Variants in NBEAL1 observed in about 807,000 individuals in gnomAD.
NBEAL1 encodes the protein neurobeachin-like protein 1.
Under a neutral mutation model 351.3 loss-of-function variants are expected in NBEAL1, and 273 were observed. That is an observed-to-expected ratio of 0.78 (90% CI 0.70 to 0.86). The LOEUF is 0.86. Ranked by LOEUF, NBEAL1 falls within the 40% of genes least tolerant of loss-of-function variation. NBEAL1 has a pLI of 0.00. For synonymous variants in NBEAL1, 1,050 were observed against 1,086.4 expected (o/e 0.97, Z 0.66); for missense variants, 2,961 against 3,201.3 (o/e 0.92, Z 1.81).
At chr2:203,186,645 A>T (rs1366877361) in intron 44 of NBEAL1, among the ~76,000 whole-genome samples, 1 of 152,162 alleles carries the variant, frequency 6.6e-6, no homozygotes, top group East Asian at 1.9e-4. Flanking sequence ...AATAAATAAT[A>T]AAACTTTGTT....
intron 2 of NBEAL1, among the ~76,000 whole-genome samples, 187 bp downstream of exon 2, chr2:203,016,622 G>A (rs534534852): frequency 6.5e-4 from 99 of 152,074 alleles, no homozygotes; most frequent in Non-Finnish European, 1.3e-3. Context: ...TACAATATTG[G>A]CATACTGTTA....
chr2:203,144,620 T>C lies in NBEAL1; in HGVS notation c.4869T>C (p.Ala1623=), dbSNP rs2063462385. The C allele has an allele frequency of 6.2e-7, 1 of 1,613,062 alleles. No homozygotes were observed. Among genetic ancestry groups the C allele is most frequent in the South Asian group, 1.1e-5 (1 of 90,900 alleles). The change falls in exon 32 of 56, where the codon GCT becomes GCC. Residue 1623 remains alanine (A), a synonymous_variant. Transcript: ENST00000683969. The stretch of plus-strand genomic sequence containing the variant: ...TCCAGGTTTGTGCAATGGCATCAGC[T>C]AAGCTAAATACCCTTCTTCAGACCA... The part of the protein sequence containing the change: ...GNLQVCAMAS[A]KLNTLLQTKV...
chr2:203,155,013 A>G (rs1280639705), intron 35 of NBEAL1, among the ~76,000 whole-genome samples: 1 of 151,454 alleles, frequency 6.6e-6, no homozygotes, highest in African/African-American at 2.4e-5. Flanking sequence ...TGGGAGTCCA[A>G]GGAGAAGAGT....
At chr2:203,147,295 A>G (rs1006502682) in intron 33 of NBEAL1, among the ~76,000 whole-genome samples, 2 of 152,202 alleles carry the variant, frequency 1.3e-5, no homozygotes, top group African/African-American at 4.8e-5. Context: ...AATTACTACA[A>G]ATAAGCAAGG....
At chr2:203,088,645 T>A (rs2062010983) in intron 10 of NBEAL1, among the ~76,000 whole-genome samples, 1 of 152,224 alleles carries the variant, frequency 6.6e-6, no homozygotes, top group Admixed American at 6.5e-5. Flanking sequence ...CACATAAAAG[T>A]TCCAGAGTGA....
At chr2:203,189,131 G>A (rs1322006875) in intron 45 of NBEAL1, among the ~76,000 whole-genome samples, 2 of 152,202 alleles carry the variant, frequency 1.3e-5, no homozygotes, top group Non-Finnish European at 2.9e-5. Context: ...TTTGTAAGGA[G>A]AAAGTATTGC....
At chr2:203,032,947 G>A (rs2106021708) in intron 2 of NBEAL1, among the ~76,000 whole-genome samples, 1 of 151,708 alleles carries the variant, frequency 6.6e-6, no homozygotes, top group East Asian at 2.0e-4. Flanking sequence ...TTACAGGCAT[G>A]ATCCACCATG....
chr2:203,172,542 T>C (rs760752357), intron 40 of NBEAL1, among the ~76,000 whole-genome samples, 187 bp from the exon 41 acceptor site: 3 of 152,032 alleles, frequency 2.0e-5, no homozygotes, highest in Non-Finnish European at 2.9e-5. Flanking sequence ...AAAGAAAAGA[T>C]TCCAGTGGAA....
intron 18 of NBEAL1, among the ~76,000 whole-genome samples, chr2:203,117,057 G>A (rs1487536358): frequency 5.3e-5 from 8 of 152,202 alleles, no homozygotes; most frequent in African/African-American, 1.9e-4. Context: ...AGCTGAGATC[G>A]TGCCACTGCT....
At chr2:203,030,611 C>T (rs1386202145) in intron 2 of NBEAL1, among the ~76,000 whole-genome samples, 1 of 152,202 alleles carries the variant, frequency 6.6e-6, no homozygotes, top group Non-Finnish European at 1.5e-5. Flanking sequence ...TAAGCAAACA[C>T]ACTTAACTCT....
rs2064674329 is a variant in NBEAL1 at position 203,180,447 on chromosome 2, C to T, written c.6530C>T (p.Pro2177Leu). 1.2e-6 allele frequency: 2 copies of T among 1,611,816 alleles called. No homozygotes were observed. The highest frequency in any genetic ancestry group is 1.7e-6 in the Non-Finnish European group (2 of 1,178,726). Residue 2177 changes from proline (P) to leucine (L), a missense_variant, in exon 43 of 56, where the codon CCA (proline) becomes CTA (leucine). Pro to Leu is a moderately conservative substitution (Grantham distance 98). Coordinates refer to ENST00000683969, the MANE Select transcript of NBEAL1 (RefSeq NM_001378026.1). ...ACCTGGCAAGCTCTTATGGATAATC[C>T]ATATGATGTTAAAGAACTTATTCCT... ...PATWQALMDNPYDVKELIPEF... is the reference protein window; with the variant it reads ...PATWQALMDNLYDVKELIPEF...
In NBEAL1 at chr2:203,217,763, A is replaced by C. The variant is rs2065912548; in HGVS notation, c.*409A>C. 1.0e-6 allele frequency: 1 copy of C among 976,484 alleles called. No individual in the cohort carries two copies. The highest frequency in any genetic ancestry group is 6.2e-5 in the Admixed American group (1 of 16,258). The allele number at this position is 976,484 out of a possible 1,614,324, so 60.5% of individuals were successfully genotyped here. ...TTACTGACCACTGTAATGAAAATAT[A>C]TCAATTTATTTATGGAACTCCTGAT... is the stretch of plus-strand genomic sequence containing the variant. On this transcript the variant is annotated 3_prime_UTR_variant, in exon 56 of 56. Transcript: ENST00000683969.
Position 203,083,638 on chromosome 2 carries a change from A to G in NBEAL1, c.991+113A>G, listed in dbSNP as rs2061910808. ...GGAAAGTATTGATTGTTTAATTCAGATATCATATGACTGCTTAGACTTTGA... is the reference window on the plus strand; with the variant it reads ...GGAAAGTATTGATTGTTTAATTCAGGTATCATATGACTGCTTAGACTTTGA... On this transcript the variant is annotated intron_variant, in intron 9 of 55. Transcript: ENST00000683969. 5.0e-6 allele frequency: 4 copies of G among 806,442 alleles called. No individual in the cohort carries two copies. In the South Asian group the frequency reaches 8.2e-5, roughly 17 times the overall value. 50.0% of individuals were successfully genotyped at this position (806,442 alleles called of 1,614,324 possible).
At chr2:203,074,435 C>T (rs1370522005) in intron 7 of NBEAL1, among the ~76,000 whole-genome samples, 1 of 146,702 alleles carries the variant, frequency 6.8e-6, no homozygotes, top group African/African-American at 2.5e-5. Context: ...TCAAGCGATT[C>T]TAATGTCTCA....
rs989333329 is a variant in NBEAL1 at position 203,214,512 on chromosome 2, C to T, written c.8070+859C>T. Among the ~76,000 whole-genome samples the T allele has an allele frequency of 1.1e-4, 16 of 152,190 alleles. No individual in the cohort carries two copies. In the South Asian group the frequency reaches 3.3e-3, roughly 32 times the overall value. ...TATTATGGCTGGGCATGGTGGCTCA[C>T]GCCTGTAATCCCTGCACTTTGGGGG... On this transcript the variant is annotated intron_variant, in intron 55 of 55. Coordinates refer to ENST00000683969, the MANE Select transcript of NBEAL1 (RefSeq NM_001378026.1).
At chr2:203,086,883 A>G (rs559028642) in intron 10 of NBEAL1, among the ~76,000 whole-genome samples, 1 of 151,746 alleles carries the variant, frequency 6.6e-6, no homozygotes, top group African/African-American at 2.4e-5. Flanking sequence ...TTATCGACCC[A>G]GTTTCTCAAA....
At chr2:203,033,223 A>G (rs140168762) in intron 2 of NBEAL1, among the ~76,000 whole-genome samples, 14,010 of 151,484 alleles carry the variant, frequency 0.092, 766 homozygotes, top group Non-Finnish European at 0.12. Flanking sequence ...GATGGTCTCG[A>G]TCTCCTGACC....
Position 203,201,703 on chromosome 2 carries a change from A to G in NBEAL1, c.7399A>G (p.Ile2467Val). The G allele has an allele frequency of 6.2e-7, 1 of 1,600,562 alleles. No individual in the cohort carries two copies. The highest frequency in any genetic ancestry group is 8.5e-7 in the Non-Finnish European group (1 of 1,172,422). ...AAAAGGCAAAATTATCTCACACATC[A>G]TCCGGCATATGGGTAAGCATTAGCT... Reference protein sequence around the residue: ...LTKGKIISHIIRHMDIVTCLA... With the variant: ...LTKGKIISHIVRHMDIVTCLA... The change falls in exon 50 of 56, where the codon ATC becomes GTC. Residue 2467 changes from isoleucine to valine, a missense_variant. By Grantham distance (29) the Ile-to-Val change is conservative. Coordinates refer to ENST00000683969, the MANE Select transcript of NBEAL1 (RefSeq NM_001378026.1).
intron 2 of NBEAL1, among the ~76,000 whole-genome samples, chr2:203,035,615 A>G (rs1366811490): frequency 1.3e-5 from 2 of 149,214 alleles, no homozygotes; most frequent in African/African-American, 4.9e-5. Context: ...CCTTTTGTGC[A>G]TTATCTCATT....
Sources: gnomAD v4.1 joint callset for allele counts (sites outside exome capture counted in the v4.1 genomes callset) on GRCh38, gnomAD v4.1.1 for gene constraint, MANE v1.5 for transcripts, NCBI Gene and HGNC (gene_info 2026-07-23, HGNC 2026-07-21) for gene names.